The following FER variants were observed in gnomAD, a reference collection of about 807,000 sequenced individuals.
The protein encoded by FER is tyrosine-protein kinase Fer.
A neutral mutation model predicts 111.0 loss-of-function variants in FER; 63 were observed. The observed-to-expected ratio is 0.57, with a 90% CI of 0.46 to 0.70. The LOEUF is 0.70. Ranked by LOEUF, FER falls within the 30% of genes least tolerant of loss-of-function variation. The pLI is 0.00. For synonymous variants in FER, 327 were observed against 313.9 expected (o/e 1.04, Z -0.44); for missense variants, 914 against 954.0 (o/e 0.96, Z 0.55).
At chr5:109,066,236 C>T (rs1296421355) in intron 16 of FER, among the ~76,000 whole-genome samples, 1 of 152,066 alleles carries the variant, frequency 6.6e-6, no homozygotes, top group Non-Finnish European at 1.5e-5. Flanking sequence ...GGTTGAATCT[C>T]TGTATTTTCT....
At chr5:108,792,161 T>C (rs1215477491) in intron 2 of FER, among the ~76,000 whole-genome samples, 2 of 152,230 alleles carry the variant, frequency 1.3e-5, no homozygotes, top group East Asian at 1.9e-4. Context: ...TCATGTTATT[T>C]TGGCTCCCTT....
intron 17 of FER, among the ~76,000 whole-genome samples, chr5:109,120,821 A>C (rs2126492247): frequency 6.6e-6 from 1 of 152,084 alleles, no homozygotes; most frequent in Admixed American, 6.6e-5. Context: ...TTATTTGATT[A>C]GTTGATTCTT....
intron 1 of FER, among the ~76,000 whole-genome samples, chr5:108,766,863 G>A (rs573380745): frequency 1.9e-4 from 29 of 152,290 alleles, no homozygotes; most frequent in South Asian, 6.2e-4. Flanking sequence ...AAAGTGAGAC[G>A]TTGTAACAGG....
At chr5:109,006,575 A>C (rs890830170) in intron 13 of FER, among the ~76,000 whole-genome samples, 1 of 152,200 alleles carries the variant, frequency 6.6e-6, no homozygotes, top group Admixed American at 6.5e-5. Flanking sequence ...AGAGTAATAC[A>C]AGCAGTAAGC....
At chr5:109,173,653 C>T (rs1298833807) in intron 17 of FER, among the ~76,000 whole-genome samples, 1 of 152,078 alleles carries the variant, frequency 6.6e-6, no homozygotes. Context: ...ACTGTCAGAA[C>T]ATATCAGCCC....
chr5:108,839,512 G>C (rs531634528), intron 5 of FER, among the ~76,000 whole-genome samples: 1 of 151,206 alleles, frequency 6.6e-6, no homozygotes, highest in African/African-American at 2.4e-5. Context: ...AGAATAAGTA[G>C]AGCAGGAAGC....
rs544744981 is a variant in FER at position 108,788,985 on chromosome 5, C to T, written c.-59-9139C>T. 3.8e-4 allele frequency among the ~76,000 whole-genome samples: 58 copies of T among 152,294 alleles called. No homozygotes were observed. The South Asian group carries it at 0.012, about 32-fold the overall frequency. ...CATTGTCAATTCTAGATCTTCATTT[C>T]TCAAGCTATGTTGGTATAATGGCTT... On this transcript the variant is annotated intron_variant, in intron 2 of 19. Coordinates refer to ENST00000281092, the MANE Select transcript of FER (RefSeq NM_005246.4).
intron 13 of FER, among the ~76,000 whole-genome samples, chr5:109,023,094 T>C (rs1254023067): frequency 6.6e-6 from 1 of 152,102 alleles, no homozygotes; most frequent in African/African-American, 2.4e-5. Flanking sequence ...ACTATTATAG[T>C]GACCTGTGGA....
intron 16 of FER, among the ~76,000 whole-genome samples, chr5:109,078,178 C>T (rs143811291): frequency 8.5e-5 from 13 of 152,234 alleles, no homozygotes; most frequent in African/African-American, 2.9e-4. Flanking sequence ...AAATGAAAGA[C>T]ATATGTGCCA....
Position 109,029,720 on chromosome 5 carries a change from A to G in FER, c.1657-7702A>G, listed in dbSNP as rs368012752. On this transcript the variant is annotated intron_variant, in intron 13 of 19. Transcript: ENST00000281092. ...CTTTCTGTGAATTGGTATACCCTGT[A>G]GGTAAAGTCATTTCTCTCTGGCTGC... Among the ~76,000 whole-genome samples the G allele has an allele frequency of 5.3e-5, 8 of 152,250 alleles. No homozygotes were observed. The East Asian group carries it at 9.6e-4, about 18-fold the overall frequency.
At position 109,036,607 on chromosome 5, in the gene FER, A is replaced by T. The variant is rs189796764; in HGVS notation, c.1657-815A>T. Among the ~76,000 whole-genome samples the T allele has an allele frequency of 3.2e-3, 479 of 150,820 alleles. 3 individuals are homozygous for T. The highest frequency in any genetic ancestry group is 0.01 in the Middle Eastern group (3 of 292). On this transcript the variant is annotated intron_variant, in intron 13 of 19. Coordinates refer to ENST00000281092, the MANE Select transcript of FER (RefSeq NM_005246.4). ...TATCAACCAGGATACTCTTCCTCCA[A>T]CTCTTCCTTCCTACTCCCCTCCTTT...
chr5:108,865,107 T>A lies in FER; in HGVS notation c.482-2660T>A, dbSNP rs1341453628. ...TAAGTTGGATTCCTAAGTATTTTAT[T>A]CTCTTTGAAGCAATTGTGAATGGGA... On this transcript the variant is annotated intron_variant, in intron 5 of 19. Coordinates refer to ENST00000281092, the MANE Select transcript of FER (RefSeq NM_005246.4). Among the ~76,000 whole-genome samples the A allele has an allele frequency of 3.0e-4, 46 of 152,324 alleles. No individual in the cohort carries two copies. In the South Asian group the frequency reaches 9.5e-3, roughly 32 times the overall value.
At chr5:109,021,595 G>A (rs911672182) in intron 13 of FER, among the ~76,000 whole-genome samples, 1 of 151,974 alleles carries the variant, frequency 6.6e-6, no homozygotes, top group Non-Finnish European at 1.5e-5. Context: ...AGTTTATAAT[G>A]AAGGATTCTT....
chr5:109,187,849 G>A lies in FER; in HGVS notation c.*274G>A, dbSNP rs933630552. On this transcript the variant is annotated 3_prime_UTR_variant, in exon 20 of 20. Transcript: ENST00000281092. ...CAAATAGAAAAGCACAGGCTTCTAA[G>A]TGTGTGAAGGATAAAAGATCTATCC... The A allele has an allele frequency of 1.8e-5, 8 of 436,432 alleles. No homozygotes were observed. The highest frequency in any genetic ancestry group is 2.5e-5 in the Non-Finnish European group (6 of 240,606). The allele number at this position is 436,432 out of a possible 1,614,324, so 27.0% of individuals were successfully genotyped here.
At position 109,112,264 on chromosome 5, in the gene FER, C is replaced by T. The variant is rs191160157; in HGVS notation, c.2048+11745C>T. Among the ~76,000 whole-genome samples the T allele has an allele frequency of 7.8e-3, 1,179 of 151,430 alleles. 11 individuals carry two copies. Among genetic ancestry groups the T allele is most frequent in the African/African-American group, 0.028 (1,144 of 41,246 alleles). On this transcript the variant is annotated intron_variant, in intron 17 of 19. Coordinates refer to ENST00000281092, the MANE Select transcript of FER (RefSeq NM_005246.4). ...TTGTAGATGAAGAGGGAGTTAGATA[C>T]CAAGGTATATTAGAAAATGAAAAGA... is the stretch of plus-strand genomic sequence containing the variant.
intron 17 of FER, among the ~76,000 whole-genome samples, chr5:109,146,178 A>C (rs998802313): frequency 1.9e-5 from 2 of 104,534 alleles, no homozygotes; most frequent in African/African-American, 6.9e-5. Context: ...ATTTTGCAGC[A>C]AAAAAATACA....
intron 3 of FER, among the ~76,000 whole-genome samples, chr5:108,816,055 C>T (rs1442323034): frequency 6.6e-6 from 1 of 151,948 alleles, no homozygotes; most frequent in Non-Finnish European, 1.5e-5. Context: ...AAGTAACTAA[C>T]TAACTACACC....
At chr5:108,940,798 T>G (rs1308779256) in intron 10 of FER, among the ~76,000 whole-genome samples, 1 of 152,024 alleles carries the variant, frequency 6.6e-6, no homozygotes. Context: ...AATGGTGGTA[T>G]GTAGGGTGTG....
intron 17 of FER, among the ~76,000 whole-genome samples, chr5:109,108,435 T>C (rs1247453096): frequency 6.6e-6 from 1 of 152,170 alleles, no homozygotes; most frequent in Admixed American, 6.6e-5. Flanking sequence ...AATGCTGATT[T>C]AGAGAAAGCC....
Sources: gnomAD v4.1 joint callset for allele counts (sites outside exome capture counted in the v4.1 genomes callset) on GRCh38, gnomAD v4.1.1 for gene constraint, MANE v1.5 for transcripts, NCBI Gene and HGNC (gene_info 2026-07-23, HGNC 2026-07-21) for gene names.